PTPRD: variants seen among roughly 807,000 people sequenced by gnomAD.
PTPRD encodes protein tyrosine phosphatase receptor type D, also known as receptor-type tyrosine-protein phosphatase delta.
Under a neutral mutation model 214.5 loss-of-function variants are expected in PTPRD, and 34 were observed. The ratio of observed to expected loss-of-function variants is 0.16; its 90% CI spans 0.12 to 0.21. The LOEUF (loss-of-function observed/expected upper bound fraction) is 0.21. PTPRD is among the 10% of genes least tolerant of loss of function. The pLI is 1.00. For synonymous variants in PTPRD, 1,128 were observed against 845.7 expected (o/e 1.33, Z -5.79); for missense variants, 2,545 against 2,398.7 (o/e 1.06, Z -1.27).
At chr9:10,223,690 A>ATAT (rs377145851) in intron 3 of PTPRD, among the ~76,000 whole-genome samples, 31,166 of 146,250 alleles carry the variant, frequency 0.21, 3,590 homozygotes, top group Non-Finnish European at 0.25. Flanking sequence ...AATAATAATA[A>ATAT]TAATAATAAT....
intron 34 of PTPRD, among the ~76,000 whole-genome samples, chr9:8,440,462 G>A (rs1355913481): frequency 1.3e-5 from 2 of 151,956 alleles, no homozygotes; most frequent in South Asian, 2.1e-4. Flanking sequence ...TTACAGGGAC[G>A]CGCCACCACA....
chr9:10,372,212 CCCTT>C (rs1565608792), intron 2 of PTPRD, among the ~76,000 whole-genome samples: 1 of 152,060 alleles, frequency 6.6e-6, no homozygotes, highest in Non-Finnish European at 1.5e-5. Context: ...ACAATGACCT[CCCTT>C]CCTCTCCTTT....
chr9:9,608,423 T>C (rs1489653719), intron 7 of PTPRD, among the ~76,000 whole-genome samples: 1 of 152,134 alleles, frequency 6.6e-6, no homozygotes, highest in African/African-American at 2.4e-5. Context: ...AAGGGAAAAT[T>C]TCTATTCTTA....
intron 3 of PTPRD, among the ~76,000 whole-genome samples, chr9:10,060,442 A>C (rs746483593): frequency 2.6e-5 from 4 of 152,048 alleles, no homozygotes; most frequent in Non-Finnish European, 4.4e-5. Flanking sequence ...ATTTGAATTA[A>C]ATATAGGTCA....
At chr9:8,472,123 AAATT>A (rs1223996937) in intron 30 of PTPRD, among the ~76,000 whole-genome samples, 1 of 152,178 alleles carries the variant, frequency 6.6e-6, no homozygotes, top group Admixed American at 6.6e-5. Flanking sequence ...AATAATTGCC[AAATT>A]AAAACAGATA....
chr9:10,077,428 A>T (rs1173897977), intron 3 of PTPRD, among the ~76,000 whole-genome samples: 1 of 152,154 alleles, frequency 6.6e-6, no homozygotes, highest in African/African-American at 2.4e-5. Context: ...ACCTCTAGAG[A>T]TTCTAAAATT....
At chr9:8,459,195 G>T (rs1258872483) in intron 33 of PTPRD, among the ~76,000 whole-genome samples, 2 of 151,872 alleles carry the variant, frequency 1.3e-5, no homozygotes, top group African/African-American at 4.8e-5. Context: ...GAGCTAGATG[G>T]GTAGGAAAAA....
chr9:9,732,300 A>G (rs1321973215), intron 7 of PTPRD, among the ~76,000 whole-genome samples: 2 of 152,110 alleles, frequency 1.3e-5, no homozygotes, highest in African/African-American at 2.4e-5. Context: ...ATATCAAACT[A>G]GGGAAAAAAA....
intron 4 of PTPRD, among the ~76,000 whole-genome samples, chr9:9,981,022 G>T (rs1051898011): frequency 9.2e-5 from 14 of 152,104 alleles, no homozygotes; most frequent in Non-Finnish European, 1.8e-4. Flanking sequence ...TTAGGTCCAG[G>T]ATTTCCATTC....
Position 9,622,955 on chromosome 9 carries a change from G to A in PTPRD, c.-286-48174C>T, listed in dbSNP as rs778327691. 2.6e-5 allele frequency among the ~76,000 whole-genome samples: 4 copies of A among 152,102 alleles called. No individual in the cohort carries two copies. The East Asian group carries it at 7.7e-4, about 29-fold the overall frequency. On this transcript the variant is annotated intron_variant, in intron 7 of 45. Transcript: ENST00000381196. ...CACATCATTGAGATAGGTTACCTAT[G>A]CCTCCTTCAATGAGCAATCAGATAG...
At chr9:9,521,027 A>G (rs1273895196) in intron 8 of PTPRD, among the ~76,000 whole-genome samples, 1 of 152,194 alleles carries the variant, frequency 6.6e-6, no homozygotes, top group Non-Finnish European at 1.5e-5. Context: ...TTTTATGCAC[A>G]CTAAATTTAA....
intron 11 of PTPRD, among the ~76,000 whole-genome samples, chr9:8,778,925 C>G (rs766356975): frequency 6.6e-6 from 1 of 152,048 alleles, no homozygotes; most frequent in Non-Finnish European, 1.5e-5. Flanking sequence ...ATTACCACCA[C>G]CAAGAAAATT....
intron 11 of PTPRD, among the ~76,000 whole-genome samples, chr9:8,888,582 G>C (rs1297564671): frequency 1.3e-5 from 2 of 152,196 alleles, no homozygotes; most frequent in Non-Finnish European, 2.9e-5. Context: ...TTTCCCAACA[G>C]TACCAGACTA....
intron 11 of PTPRD, among the ~76,000 whole-genome samples, chr9:8,806,398 G>GA (rs1048654063): frequency 1.3e-5 from 2 of 151,474 alleles, no homozygotes; most frequent in Admixed American, 6.6e-5. Flanking sequence ...ATAATTTTTT[G>GA]AAAAAAACAC....
intron 2 of PTPRD, among the ~76,000 whole-genome samples, chr9:10,492,055 A>G (rs919283049): frequency 3.9e-5 from 6 of 152,082 alleles, no homozygotes; most frequent in Admixed American, 2.6e-4. Context: ...ATTGTTTTTT[A>G]TGGCTGCATA....
rs887801761 is a variant in PTPRD, at chr9:8,641,039, G to A, written c.65-4195C>T. ...AAGTAAAAATCTTTATTCTCAGAGG[G>A]ATATAACAACACACATCACCCACTT... On this transcript the variant is annotated intron_variant, in intron 12 of 45. Transcript: ENST00000381196. Among the ~76,000 whole-genome samples, 2 of 148,150 alleles carry A rather than the reference G, an allele frequency of 1.3e-5. 1 individual carries two copies. Among genetic ancestry groups the A allele is most frequent in the African/African-American group, 5.3e-5 (2 of 37,706 alleles).
intron 8 of PTPRD, among the ~76,000 whole-genome samples, chr9:9,456,334 A>G (rs77494146): frequency 0.012 from 1,879 of 151,922 alleles, 29 homozygotes; most frequent in African/African-American, 0.043. Flanking sequence ...GGTATTGATT[A>G]GGAATAAAAA....
intron 3 of PTPRD, among the ~76,000 whole-genome samples, chr9:10,227,362 C>G (rs534087575): frequency 4.6e-5 from 7 of 152,014 alleles, no homozygotes; most frequent in Non-Finnish European, 7.4e-5. Flanking sequence ...TAAGGGATTA[C>G]AAAAATACAC....
chr9:9,506,821 T>C (rs949828805), intron 8 of PTPRD, among the ~76,000 whole-genome samples: 2 of 151,298 alleles, frequency 1.3e-5, no homozygotes, highest in African/African-American at 4.8e-5. Flanking sequence ...GTCCTCTGAA[T>C]GAAAAGGCCA....
Sources: allele counts gnomAD v4.1 joint callset (sites outside exome capture counted in the v4.1 genomes callset), GRCh38; gene constraint gnomAD v4.1.1; transcripts MANE v1.5; gene names NCBI Gene and HGNC (gene_info 2026-07-23, HGNC 2026-07-21).